Variants in DENND1B observed in about 807,000 individuals in gnomAD.
DENND1B encodes the protein DENN domain-containing protein 1B.
DENND1B carries 59 observed loss-of-function variants against 90.1 expected under a neutral mutation model. The ratio of observed to expected loss-of-function variants is 0.65; its 90% CI spans 0.53 to 0.81. DENND1B has a LOEUF of 0.81. Ranked by LOEUF, DENND1B falls within the 40% of genes least tolerant of loss-of-function variation. The pLI, the probability that DENND1B is intolerant of heterozygous loss-of-function variation, is 0.00. For synonymous variants in DENND1B, 337 were observed against 324.6 expected (o/e 1.04, Z -0.41); for missense variants, 862 against 912.6 (o/e 0.94, Z 0.71).
At chr1:197,625,069 T>G (rs1430411270) in intron 10 of DENND1B, among the ~76,000 whole-genome samples, 1 of 151,954 alleles carries the variant, frequency 6.6e-6, no homozygotes, top group African/African-American at 2.4e-5. Flanking sequence ...ACAGGGAGAA[T>G]GGAACCAAGT....
At chr1:197,518,399 C>T (rs146933517) in intron 20 of DENND1B, among the ~76,000 whole-genome samples, 40 of 152,000 alleles carry the variant, frequency 2.6e-4, no homozygotes, top group African/African-American at 8.7e-4. Flanking sequence ...GCCCACAAAA[C>T]CCTCCCAGGA....
At chr1:197,525,557 C>T (rs1207663629) in intron 20 of DENND1B, among the ~76,000 whole-genome samples, 2 of 152,028 alleles carry the variant, frequency 1.3e-5, no homozygotes, top group African/African-American at 4.8e-5. Context: ...GTGAAGATGA[C>T]TTTTCTAGCT....
intron 10 of DENND1B, among the ~76,000 whole-genome samples, chr1:197,631,041 CCTTT>C (rs1451314885): frequency 6.6e-6 from 1 of 152,060 alleles, no homozygotes; most frequent in Non-Finnish European, 1.5e-5. Flanking sequence ...TAAATTTACT[CCTTT>C]CTAATTCTCA....
At chr1:197,619,367 T>C (rs1677941967) in intron 10 of DENND1B, among the ~76,000 whole-genome samples, 1 of 151,186 alleles carries the variant, frequency 6.6e-6, no homozygotes, top group Admixed American at 6.6e-5. Context: ...ACTCCTTAGT[T>C]GTAAATTAGG....
At chr1:197,516,263 A>G (rs1054101593) in intron 20 of DENND1B, among the ~76,000 whole-genome samples, 13 of 151,828 alleles carry the variant, frequency 8.6e-5, no homozygotes, top group African/African-American at 3.1e-4. Flanking sequence ...AAAATTATAT[A>G]CATATATGAA....
intron 2 of DENND1B, among the ~76,000 whole-genome samples, chr1:197,755,283 T>C (rs964236783): frequency 5.9e-5 from 9 of 152,180 alleles, no homozygotes; most frequent in African/African-American, 9.6e-5. Flanking sequence ...TACGAGTATA[T>C]AGCCTACCAA....
intron 20 of DENND1B, among the ~76,000 whole-genome samples, chr1:197,517,494 C>A (rs1202336414): frequency 6.6e-6 from 1 of 151,818 alleles, no homozygotes; most frequent in Non-Finnish European, 1.5e-5. Context: ...ACACTTTTCT[C>A]TTACATTTAT....
At chr1:197,752,428 C>G (rs1204734651) in intron 2 of DENND1B, among the ~76,000 whole-genome samples, 1 of 151,914 alleles carries the variant, frequency 6.6e-6, no homozygotes, top group Non-Finnish European at 1.5e-5. Context: ...ACATTTGGGC[C>G]TAGGTAACTT....
chr1:197,747,390 T>C (rs1486531799), intron 2 of DENND1B: 4 of 471,114 alleles, frequency 8.5e-6, no homozygotes, highest in African/African-American at 2.0e-5. Flanking sequence ...TGTAGCTTCA[T>C]CTTCAGAGTT....
chr1:197,773,121 A>G, intron 1 of DENND1B, 189 bp from the exon 2 acceptor site: 2 of 591,284 alleles, frequency 3.4e-6, no homozygotes, highest in Admixed American at 5.9e-5. Context: ...GCTGAGACTT[A>G]GGAATTCTGA....
chr1:197,754,055 T>A (rs891622172), intron 2 of DENND1B, among the ~76,000 whole-genome samples: 1 of 151,590 alleles, frequency 6.6e-6, no homozygotes, highest in South Asian at 2.1e-4. Flanking sequence ...TTAAAATACA[T>A]ATAGGACTTA....
rs560684509 is a variant in DENND1B at position 197,511,897 on chromosome 1, C to T, written c.1646G>A (p.Ser549Asn). 1.2e-6 allele frequency: 2 copies of T among 1,610,214 alleles called. No homozygotes were observed. Among genetic ancestry groups the T allele is most frequent in the Admixed American group, 1.7e-5 (1 of 59,674 alleles). ...GEEASAYLYE[S>N]DDSVETRVKT... Reference sequence around the variant, plus strand: ...CACTCTTGTTTCAACAGAGTCATCACTCTCATAGAGATAAGCAGAAGCTTC... The same window carrying T: ...CACTCTTGTTTCAACAGAGTCATCATTCTCATAGAGATAAGCAGAAGCTTC... The change falls in exon 22 of 23, where the codon AGT becomes AAT. Residue 549 changes from serine to asparagine, a missense_variant. By Grantham distance (46) the Ser-to-Asn change is conservative. Coordinates refer to ENST00000620048, the MANE Select transcript of DENND1B (RefSeq NM_001195215.2).
chr1:197,749,864 T>G (rs1056368836), intron 2 of DENND1B, among the ~76,000 whole-genome samples: 4 of 152,172 alleles, frequency 2.6e-5, no homozygotes, highest in Non-Finnish European at 4.4e-5. Context: ...TTGTTTGTTT[T>G]TGAGACAGGA....
chr1:197,641,658 T>C (rs938742980), intron 10 of DENND1B, among the ~76,000 whole-genome samples: 1 of 152,152 alleles, frequency 6.6e-6, no homozygotes, highest in Non-Finnish European at 1.5e-5. Context: ...TTTTTTTCAA[T>C]TGTAGAGTAA....
intron 20 of DENND1B, among the ~76,000 whole-genome samples, chr1:197,536,177 GATGAGATGAGATGAC>G (rs1454049985): frequency 2.0e-5 from 3 of 149,316 alleles, no homozygotes; most frequent in Admixed American, 1.3e-4. Context: ...GATGAGATGA[GATGAGATGAGATGAC>G]ATGAGATGAG....
chr1:197,535,224 G>A (rs1669788758), intron 20 of DENND1B, among the ~76,000 whole-genome samples: 1 of 152,168 alleles, frequency 6.6e-6, no homozygotes, highest in East Asian at 1.9e-4. Context: ...CCCCAGATTT[G>A]TGGTACAAAT....
intron 2 of DENND1B, among the ~76,000 whole-genome samples, chr1:197,746,519 T>C (rs1448603228): frequency 1.3e-5 from 2 of 152,216 alleles, no homozygotes; most frequent in South Asian, 2.1e-4. Context: ...TATTTTTCTA[T>C]ATTTTTTCTT....
In DENND1B at chr1:197,754,332, A is replaced by C. The variant is rs11805399; in HGVS notation, c.82+18536T>G. 5.0e-3 allele frequency among the ~76,000 whole-genome samples: 767 copies of C among 152,258 alleles called. 8 individuals are homozygous for C. Among genetic ancestry groups the C allele is most frequent in the African/African-American group, 0.017 (710 of 41,560 alleles). The stretch of plus-strand genomic sequence containing the variant: ...ACTTATTTGAAGTAGATAATAATAC[A>C]AGTATAAATGAGATACATACACAGT... On this transcript the variant is annotated intron_variant, in intron 2 of 22. Transcript: ENST00000620048.
intron 12 of DENND1B, among the ~76,000 whole-genome samples, chr1:197,609,677 C>A (rs567664498): frequency 6.8e-6 from 1 of 146,518 alleles, no homozygotes; most frequent in African/African-American, 2.5e-5. Context: ...TAGGTTGGTG[C>A]AAAATTAACT....
Sources: gnomAD v4.1 joint callset for allele counts (sites outside exome capture counted in the v4.1 genomes callset) on GRCh38, gnomAD v4.1.1 for gene constraint, MANE v1.5 for transcripts, NCBI Gene and HGNC (gene_info 2026-07-23, HGNC 2026-07-21) for gene names.